OPCML: variants seen among roughly 807,000 people sequenced by gnomAD.
The protein encoded by OPCML is opioid-binding protein/cell adhesion molecule.
In OPCML, 13 loss-of-function variants were observed where a neutral mutation model predicts 37.8. That is an observed-to-expected ratio of 0.34 (90% confidence interval 0.22 to 0.55). The LOEUF (loss-of-function observed/expected upper bound fraction) is 0.55. Ranked by LOEUF, OPCML falls within the 20% of genes least tolerant of loss-of-function variation. The pLI is 0.91. For missense variants in OPCML, 341 were observed against 435.6 expected, an observed-to-expected ratio of 0.78 and a Z score of 1.93; for synonymous variants, 176 against 168.8, an observed-to-expected ratio of 1.04 and a Z score of -0.33.
In OPCML at chr11:132,467,156, A is replaced by T. The variant is rs527514815; in HGVS notation, c.506-29797T>A. 1.3e-3 allele frequency among the ~76,000 whole-genome samples: 192 copies of T among 152,334 alleles called. 2 individuals are homozygous for T. In the Middle Eastern group the frequency reaches 0.017, roughly 13 times the overall value. The stretch of plus-strand genomic sequence containing the variant: ...TTATTTCTCAGCCTGCTGCAGGCTG[A>T]TAACAGACTCGTCCACTGGCCTGAA... On this transcript the variant is annotated intron_variant, in intron 4 of 7. Coordinates refer to ENST00000524381, the MANE Select transcript of OPCML (RefSeq NM_001012393.5).
chr11:133,363,587 G>A (rs545862009), intron 1 of OPCML, among the ~76,000 whole-genome samples: 10 of 152,326 alleles, frequency 6.6e-5, no homozygotes, highest in African/African-American at 2.4e-4. Context: ...ATGCTGTCGG[G>A]TTGGGGAGGT....
intron 4 of OPCML, among the ~76,000 whole-genome samples, chr11:132,478,940 CA>C (rs796674604): frequency 1.1e-4 from 17 of 152,186 alleles, no homozygotes; most frequent in African/African-American, 3.9e-4. Flanking sequence ...ATCAGCTGAA[CA>C]TGTATCAAAT....
chr11:133,013,494 A>G (rs955588683), intron 1 of OPCML, among the ~76,000 whole-genome samples: 27 of 152,260 alleles, frequency 1.8e-4, no homozygotes, highest in African/African-American at 6.3e-4. Context: ...GATGATAAAG[A>G]TAATTACTCA....
intron 2 of OPCML, among the ~76,000 whole-genome samples, chr11:132,917,665 C>A (rs577292376): frequency 3.3e-5 from 5 of 152,300 alleles, no homozygotes; most frequent in African/African-American, 1.2e-4. Context: ...GTACCTGGAA[C>A]TAGATTGGCC....
intron 1 of OPCML, among the ~76,000 whole-genome samples, chr11:133,226,630 T>C (rs1230663296): frequency 6.6e-6 from 1 of 152,252 alleles, no homozygotes; most frequent in Non-Finnish European, 1.5e-5. Context: ...TTTTAACATC[T>C]AAATTAAATG....
rs117131885 is a variant in OPCML, at chr11:132,733,735, A to G, written c.147-76416T>C. ...CCGTGGTAAGTGTTGTGGAAAACAC[A>G]AAGGTTACAAAAGAGAGAAAAGTGT... On this transcript the variant is annotated intron_variant, in intron 2 of 7. Coordinates refer to ENST00000524381, the MANE Select transcript of OPCML (RefSeq NM_001012393.5). 8.6e-3 allele frequency among the ~76,000 whole-genome samples: 1,317 copies of G among 152,310 alleles called. 10 individuals are homozygous for G. Among genetic ancestry groups the G allele is most frequent in the South Asian group, 0.016 (79 of 4,816 alleles).
intron 2 of OPCML, among the ~76,000 whole-genome samples, chr11:132,728,449 G>A (rs1294624480): frequency 1.3e-5 from 2 of 152,164 alleles, no homozygotes; most frequent in Admixed American, 1.3e-4. Context: ...TAGCAGAGGG[G>A]CCAGCCAGAA....
chr11:132,505,035 GA>G (rs1456966955), intron 4 of OPCML, among the ~76,000 whole-genome samples: 1 of 151,836 alleles, frequency 6.6e-6, no homozygotes, highest in Non-Finnish European at 1.5e-5. Context: ...CAGAGGACAA[GA>G]AAAAAAGTAC....
chr11:133,252,726 T>C (rs552010231), intron 1 of OPCML, among the ~76,000 whole-genome samples: 1 of 152,234 alleles, frequency 6.6e-6, no homozygotes. Flanking sequence ...GGCTTTTTTT[T>C]CTTTTTTTCC....
At chr11:133,224,259 A>C (rs1333483109) in intron 1 of OPCML, among the ~76,000 whole-genome samples, 1 of 152,154 alleles carries the variant, frequency 6.6e-6, no homozygotes, top group Non-Finnish European at 1.5e-5. Flanking sequence ...GTCCTAGGGA[A>C]GCGAAACAAG....
intron 2 of OPCML, among the ~76,000 whole-genome samples, chr11:132,737,391 A>G (rs189695506): frequency 1.2e-4 from 18 of 152,274 alleles, no homozygotes; most frequent in Admixed American, 2.6e-4. Context: ...ACACGATCCC[A>G]ACTTTTCGAC....
intron 2 of OPCML, among the ~76,000 whole-genome samples, chr11:132,696,404 TAAAC>T (rs1943600248): frequency 6.6e-6 from 1 of 152,034 alleles, no homozygotes; most frequent in Non-Finnish European, 1.5e-5. Context: ...AAGGCTAAGA[TAAAC>T]AAAGAAAACT....
intron 1 of OPCML, among the ~76,000 whole-genome samples, chr11:133,052,455 T>C (rs966051473): frequency 6.6e-6 from 1 of 152,226 alleles, no homozygotes; most frequent in Non-Finnish European, 1.5e-5. Context: ...TTGGGCAGAA[T>C]GCTGGGAAGC....
intron 3 of OPCML, among the ~76,000 whole-genome samples, chr11:132,642,602 CATA>C (rs1327046717): frequency 1.3e-5 from 2 of 152,196 alleles, no homozygotes; most frequent in African/African-American, 2.4e-5. Flanking sequence ...ACCACCCTGG[CATA>C]ATATTTGTCA....
intron 1 of OPCML, among the ~76,000 whole-genome samples, chr11:133,414,156 C>T (rs1023942022): frequency 4.6e-5 from 7 of 152,104 alleles, no homozygotes; most frequent in African/African-American, 7.2e-5. Flanking sequence ...TGGGCATGGG[C>T]GCTGGAACGA....
At chr11:133,013,938 T>C (rs934509721) in intron 1 of OPCML, among the ~76,000 whole-genome samples, 5 of 152,230 alleles carry the variant, frequency 3.3e-5, no homozygotes, top group African/African-American at 1.2e-4. Context: ...CTCTGTGCCC[T>C]GCCTCTATTT....
chr11:133,141,012 C>A (rs867291793), intron 1 of OPCML, among the ~76,000 whole-genome samples: 119 of 6,916 alleles, frequency 0.017, 44 homozygotes, highest in Admixed American at 0.028. Flanking sequence ...ACGACGACGA[C>A]GACGACGACG....
intron 2 of OPCML, among the ~76,000 whole-genome samples, chr11:132,714,515 T>C (rs185668031): frequency 1.3e-5 from 2 of 152,312 alleles, no homozygotes; most frequent in African/African-American, 2.4e-5. Context: ...TGGGGAGCTA[T>C]GGCAGAGCAC....
intron 1 of OPCML, among the ~76,000 whole-genome samples, chr11:133,516,077 A>C (rs1948264562): frequency 6.6e-6 from 1 of 152,090 alleles, no homozygotes; most frequent in African/African-American, 2.4e-5. Flanking sequence ...CGGGAGAAAC[A>C]ACTGGGAGAG....
Sources: allele counts gnomAD v4.1 joint callset (sites outside exome capture counted in the v4.1 genomes callset), GRCh38; gene constraint gnomAD v4.1.1; transcripts MANE v1.5; gene names NCBI Gene and HGNC (gene_info 2026-07-23, HGNC 2026-07-21).